Variants in ADAMTSL3 observed in about 807,000 individuals in gnomAD.
The protein encoded by ADAMTSL3 is ADAMTS-like protein 3.
ADAMTSL3 carries 128 observed loss-of-function variants against 201.7 expected under a neutral mutation model. The observed-to-expected ratio is 0.63, with a 90% CI of 0.55 to 0.73. The LOEUF (loss-of-function observed/expected upper bound fraction) is 0.73, where lower values mean the gene tolerates loss of function less well. Among genes scored for constraint, ADAMTSL3 ranks in the 30% least tolerant of loss-of-function variants. The probability of loss-of-function intolerance (pLI) is 0.00; values close to 1 mark genes in which losing one functional copy is unlikely to be tolerated. For synonymous variants in ADAMTSL3, 738 were observed against 748.4 expected (o/e 0.99, Z 0.23); for missense variants, 1,990 against 2,119.6 (o/e 0.94, Z 1.20).
intron 19 of ADAMTSL3, among the ~76,000 whole-genome samples, chr15:83,948,702 T>C (rs1385125211): frequency 6.6e-6 from 1 of 152,204 alleles, no homozygotes; most frequent in South Asian, 2.1e-4. Flanking sequence ...TTGATCTAAA[T>C]GCATTAACTG....
intron 3 of ADAMTSL3, among the ~76,000 whole-genome samples, chr15:83,714,612 C>T (rs1279633552): frequency 6.6e-6 from 1 of 151,942 alleles, no homozygotes; most frequent in African/African-American, 2.4e-5. Flanking sequence ...AGATTAGGTC[C>T]ACCTGCTTGC....
rs2067707394 is a variant in ADAMTSL3, at chr15:83,997,408, T to G, written c.3973+6194T>G. ...TTTGAGACCAGCCTGGCCAATATGA[T>G]GAAACCCTGTCTCTACTAAAAATAC... On this transcript the variant is annotated intron_variant, in intron 23 of 29. Coordinates refer to ENST00000286744, the MANE Select transcript of ADAMTSL3 (RefSeq NM_207517.3). Among the ~76,000 whole-genome samples the G allele has an allele frequency of 2.0e-5, 3 of 152,056 alleles. No individual in the cohort carries two copies. In the South Asian group the frequency reaches 6.2e-4, roughly 32 times the overall value.
In ADAMTSL3 at chr15:84,036,811, A is replaced by G. The variant is rs1468221499; in HGVS notation, c.4793A>G (p.Asp1598Gly). The G allele has an allele frequency of 6.2e-7, 1 of 1,613,828 alleles. No individual in the cohort carries two copies. The highest frequency in any genetic ancestry group is 8.5e-7 in the Non-Finnish European group (1 of 1,179,972). Residue 1598 changes from aspartate (D) to glycine (G), a missense_variant, in exon 29 of 30, where the codon GAT becomes GGT. By Grantham distance (94) the Asp-to-Gly change is moderately conservative (BLOSUM62 -1). Transcript: ENST00000286744. The stretch of plus-strand genomic sequence containing the variant: ...AGGAACTGCACATCAGGGGCCTGTG[A>G]TGTGTGTTGGCACACAGGCCCTTGG... ...LRRNCTSGAC[D>G]VCWHTGPWKP...
At chr15:83,911,143 T>C (rs2141954660) in intron 15 of ADAMTSL3, among the ~76,000 whole-genome samples, 1 of 152,224 alleles carries the variant, frequency 6.6e-6, no homozygotes, top group African/African-American at 2.4e-5. Flanking sequence ...TTTAAAAATA[T>C]AAAGTAAAAA....
chr15:83,841,954 G>A (rs983235547), intron 7 of ADAMTSL3, among the ~76,000 whole-genome samples: 5 of 151,792 alleles, frequency 3.3e-5, no homozygotes, highest in South Asian at 4.2e-4. Flanking sequence ...GACTCAGGGG[G>A]AAATTTGGCC....
At chr15:83,988,644 C>A in intron 21 of ADAMTSL3, 47 bp from the exon 22 acceptor site, 1 of 1,487,448 alleles carries the variant, frequency 6.7e-7, no homozygotes, top group Non-Finnish European at 9.1e-7. Flanking sequence ...AGCCCTAGGT[C>A]AGTTAAATTG....
At chr15:83,805,012 C>A (rs921814301) in intron 5 of ADAMTSL3, among the ~76,000 whole-genome samples, 1 of 152,152 alleles carries the variant, frequency 6.6e-6, no homozygotes, top group Non-Finnish European at 1.5e-5. Context: ...TTCACACTGT[C>A]TCTGGGCAGG....
rs534738045 is a variant in ADAMTSL3 at position 83,742,010 on chromosome 15, C to G, written c.190-31513C>G. 2.1e-4 allele frequency among the ~76,000 whole-genome samples: 32 copies of G among 152,192 alleles called. No individual in the cohort carries two copies. In the Middle Eastern group the frequency reaches 0.014, roughly 65 times the overall value. The stretch of plus-strand genomic sequence containing the variant: ...GTTACTATAATAAATGTATATCGAA[C>G]CTTCTGCTTTCTAAGTAGAAAATAT... On this transcript the variant is annotated intron_variant, in intron 3 of 29. Transcript: ENST00000286744.
At chr15:83,788,353 T>G (rs1019370561) in intron 4 of ADAMTSL3, among the ~76,000 whole-genome samples, 1 of 152,218 alleles carries the variant, frequency 6.6e-6, no homozygotes, top group Non-Finnish European at 1.5e-5. Context: ...CATTTACTTC[T>G]TTCCTGTGTT....
intron 2 of ADAMTSL3, among the ~76,000 whole-genome samples, chr15:83,688,753 TATACAC>T (rs1346647569): frequency 4.7e-5 from 7 of 147,546 alleles, no homozygotes; most frequent in African/African-American, 1.8e-4. Flanking sequence ...CATGCATATA[TATACAC>T]ACACACACAC....
chr15:83,852,717 A>G (rs2064644566), intron 7 of ADAMTSL3, among the ~76,000 whole-genome samples: 1 of 152,164 alleles, frequency 6.6e-6, no homozygotes, highest in Non-Finnish European at 1.5e-5. Flanking sequence ...GTCTTTGCCT[A>G]TAATTATAAT....
At chr15:83,825,528 G>C (rs13329502) in intron 6 of ADAMTSL3, among the ~76,000 whole-genome samples, 44 of 151,976 alleles carry the variant, frequency 2.9e-4, no homozygotes, top group South Asian at 2.3e-3. Context: ...CCTGAGGCAA[G>C]GATTCGCTTG....
chr15:83,930,734 G>C (rs1245655239), intron 17 of ADAMTSL3, among the ~76,000 whole-genome samples: 1 of 152,144 alleles, frequency 6.6e-6, no homozygotes, highest in Non-Finnish European at 1.5e-5. Context: ...CTTTTCAAAG[G>C]TTGAGAGTTA....
intron 5 of ADAMTSL3, among the ~76,000 whole-genome samples, chr15:83,817,209 TA>T (rs1429094986): frequency 6.6e-6 from 1 of 152,236 alleles, no homozygotes; most frequent in Non-Finnish European, 1.5e-5. Flanking sequence ...AGGAAGTTTA[TA>T]AAGGCCAAAA....
intron 17 of ADAMTSL3, among the ~76,000 whole-genome samples, chr15:83,931,379 A>G (rs1376667645): frequency 1.3e-5 from 2 of 152,228 alleles, no homozygotes; most frequent in South Asian, 2.1e-4. Context: ...CCTTGTGACT[A>G]TAATTGATTT....
At chr15:83,863,939 C>T (rs906036956) in intron 8 of ADAMTSL3, among the ~76,000 whole-genome samples, 21 of 152,126 alleles carry the variant, frequency 1.4e-4, no homozygotes, top group Middle Eastern at 3.4e-3. Flanking sequence ...ATATCACCAC[C>T]GATCCCACAG....
chr15:83,890,225 A>T lies in ADAMTSL3; in HGVS notation c.1189A>T (p.Ser397Cys). The stretch of plus-strand genomic sequence containing the variant: ...ACCAAAACCAAAACTGAAGGAATGC[A>T]GCATGGATCCCTGCCCATCAAGGTT... ...VKPKPKLKEC[S>C]MDPCPSSDGF... is the part of the protein sequence containing the mutation. The change falls in exon 11 of 30, where the codon AGC (serine) becomes TGC (cysteine). Residue 397 changes from serine (S) to cysteine (C), a missense_variant. Coordinates refer to ENST00000286744, the MANE Select transcript of ADAMTSL3 (RefSeq NM_207517.3). 1 of 1,613,984 alleles carries T rather than the reference A, an allele frequency of 6.2e-7. No individual in the cohort carries two copies. Among genetic ancestry groups the T allele is most frequent in the Admixed American group, 1.7e-5 (1 of 60,012 alleles).
At chr15:83,900,755 C>T (rs961887433) in intron 15 of ADAMTSL3, among the ~76,000 whole-genome samples, 4 of 152,158 alleles carry the variant, frequency 2.6e-5, no homozygotes, top group Non-Finnish European at 5.9e-5. Flanking sequence ...TCTGATGAGA[C>T]AGAATAGACC....
intron 4 of ADAMTSL3, among the ~76,000 whole-genome samples, chr15:83,780,408 T>TA (rs758187158): frequency 0.16 from 20,098 of 125,318 alleles, 1,717 homozygotes; most frequent in East Asian, 0.28. Flanking sequence ...GAAACTCCAT[T>TA]AAAAAAAAAA....
Sources: allele counts gnomAD v4.1 joint callset (sites outside exome capture counted in the v4.1 genomes callset), GRCh38; gene constraint gnomAD v4.1.1; transcripts MANE v1.5; gene names NCBI Gene and HGNC (gene_info 2026-07-23, HGNC 2026-07-21).